The following SLC7A6 variants were observed in gnomAD, a reference collection of about 807,000 sequenced individuals.
The protein encoded by SLC7A6 is Y+L amino acid transporter 2.
A neutral mutation model predicts 46.6 loss-of-function variants in SLC7A6; 29 were observed. The ratio of observed to expected loss-of-function variants is 0.62; its 90% CI spans 0.46 to 0.85. The LOEUF (loss-of-function observed/expected upper bound fraction) is 0.85. Among genes scored for constraint, SLC7A6 ranks in the 40% least tolerant of loss-of-function variants. SLC7A6 has a pLI of 0.00. For synonymous variants in SLC7A6, 276 were observed against 257.3 expected, an observed-to-expected ratio of 1.07 and a Z score of -0.70; for missense variants, 527 against 647.6, an observed-to-expected ratio of 0.81 and a Z score of 2.02.
intron 7 of SLC7A6, among the ~76,000 whole-genome samples, chr16:68,293,652 C>G (rs2043103356): frequency 6.6e-6 from 1 of 152,216 alleles, no homozygotes; most frequent in African/African-American, 2.4e-5. Context: ...TCTTCTCACA[C>G]AGCTTGTCCT....
chr16:68,296,840 G>A (rs1393628227), intron 10 of SLC7A6, 30 bp downstream of exon 10: 1 of 1,611,486 alleles, frequency 6.2e-7, no homozygotes, highest in South Asian at 1.1e-5. Flanking sequence ...ATTACTCACT[G>A]GCGGCTATGT....
At chr16:68,273,466 T>C (rs2042655868) in intron 2 of SLC7A6, among the ~76,000 whole-genome samples, 1 of 151,434 alleles carries the variant, frequency 6.6e-6, no homozygotes, top group African/African-American at 2.4e-5. Flanking sequence ...GGCACAGGAG[T>C]TGAGGGAGGG....
At chr16:68,285,938 T>A (rs1176107542) in intron 3 of SLC7A6, among the ~76,000 whole-genome samples, 1 of 151,140 alleles carries the variant, frequency 6.6e-6, no homozygotes, top group Admixed American at 6.6e-5. Context: ...ACAAAATAAT[T>A]TTTTTTTAAT....
intron 10 of SLC7A6, 82 bp from the exon 11 acceptor site, chr16:68,297,152 A>G: frequency 7.6e-7 from 1 of 1,311,312 alleles, no homozygotes; most frequent in Admixed American, 2.0e-5. Flanking sequence ...AGGGAGCCAT[A>G]GATGTTACTA....
At chr16:68,282,623 A>AT (rs111778880) in intron 3 of SLC7A6, among the ~76,000 whole-genome samples, 2,578 of 137,194 alleles carry the variant, frequency 0.019, 74 homozygotes, top group African/African-American at 0.06. Context: ...TTCCTTCCAC[A>AT]TTTTTTTTTT....
At chr16:68,297,185 C>A in intron 10 of SLC7A6, 49 bp from the exon 11 acceptor site, 1 of 1,565,380 alleles carries the variant, frequency 6.4e-7, no homozygotes, top group Admixed American at 1.7e-5. Flanking sequence ...CAGGTTAGGG[C>A]TGTAGCTAGA....
rs748310521 is a variant in SLC7A6, at chr16:68,297,325, C to T, written c.1545C>T (p.Asp515=). The part of the protein sequence containing the change: ...AEEKKDERKT[D] ...AAAAAAAGGATGAGAGGAAAACTGA[C>T]TAGAGGTCAGAGGTGGCTTTCTGAG... The change falls in exon 11 of 11, where the codon GAC becomes GAT. Residue 515 remains aspartate, a synonymous_variant. Transcript: ENST00000219343. The T allele has an allele frequency of 2.5e-6, 4 of 1,614,050 alleles. No homozygotes were observed. The South Asian group carries it at 3.3e-5, about 13-fold the overall frequency.
chr16:68,295,468 T>G (rs1298846665), intron 8 of SLC7A6, among the ~76,000 whole-genome samples: 1 of 152,224 alleles, frequency 6.6e-6, no homozygotes, highest in Admixed American at 6.5e-5. Context: ...CTAATTTATT[T>G]TTTGTAGAGA....
chr16:68,288,523 C>T, intron 4 of SLC7A6, among the ~76,000 whole-genome samples: 1 of 152,134 alleles, frequency 6.6e-6, no homozygotes, highest in East Asian at 1.9e-4. Flanking sequence ...TCTTTAGCCA[C>T]AGATATCTCA....
In SLC7A6 at chr16:68,296,821, CTG is replaced by C; in HGVS notation, c.1453+14_1453+15del. 6.2e-7 allele frequency: 1 copy of C among 1,613,740 alleles called. No individual in the cohort carries two copies. The highest frequency in any genetic ancestry group is 8.5e-7 in the Non-Finnish European group (1 of 1,179,826). On this transcript the variant is annotated intron_variant, in intron 10 of 10. Transcript: ENST00000219343. ...TTCGGAATGTCCTGGGTGAGCTTCT[CTG>C]TGCCCCATTACTCACTGGCGGCTAT...
intron 3 of SLC7A6, among the ~76,000 whole-genome samples, chr16:68,276,704 A>G (rs915083048): frequency 2.0e-5 from 3 of 151,970 alleles, no homozygotes; most frequent in Non-Finnish European, 4.4e-5. Flanking sequence ...TGATTATAAA[A>G]TATGTTTATT....
chr16:68,281,717 T>C (rs1451635465), intron 3 of SLC7A6, among the ~76,000 whole-genome samples: 1 of 152,252 alleles, frequency 6.6e-6, no homozygotes, highest in African/African-American at 2.4e-5. Flanking sequence ...CCCAGTATTA[T>C]AAGAGTACTT....
chr16:68,267,374 C>T (rs540314334), intron 2 of SLC7A6, among the ~76,000 whole-genome samples: 16 of 151,792 alleles, frequency 1.1e-4, no homozygotes, highest in African/African-American at 1.9e-4. Context: ...CCACCATGCC[C>T]GGACAATTTT....
chr16:68,292,412 G>A (rs898788384), intron 7 of SLC7A6: 2 of 152,180 alleles, frequency 1.3e-5, no homozygotes, highest in Non-Finnish European at 2.9e-5. Flanking sequence ...CTCTTTGGTG[G>A]GTGCTCACTT....
At chr16:68,272,784 C>G (rs764658179) in intron 2 of SLC7A6, among the ~76,000 whole-genome samples, 1 of 152,164 alleles carries the variant, frequency 6.6e-6, no homozygotes, top group Non-Finnish European at 1.5e-5. Flanking sequence ...GTATTGGTCA[C>G]TGGGGTCAGA....
chr16:68,287,184 C>T (rs1191369605), intron 3 of SLC7A6: 9 of 518,108 alleles, frequency 1.7e-5, no homozygotes, highest in Middle Eastern at 3.4e-4. Flanking sequence ...CTCCATGTTG[C>T]CCAGGCTGGT....
Position 68,297,463 on chromosome 16 carries a change from GCTCA to G in SLC7A6, c.*139_*142del. 1.6e-6 allele frequency: 1 copy of G among 644,090 alleles called. No individual in the cohort carries two copies. The highest frequency in any genetic ancestry group is 2.6e-6 in the Non-Finnish European group (1 of 386,926). 39.9% of individuals were successfully genotyped at this position (644,090 alleles called of 1,614,324 possible). ...TCATATAGTGGGGCTCAGGGCCAGT[GCTCA>G]CTCTTATTGGTAAGCTATAGGAGAC... On this transcript the variant is annotated 3_prime_UTR_variant, in exon 11 of 11. Coordinates refer to ENST00000219343, the MANE Select transcript of SLC7A6 (RefSeq NM_003983.6).
chr16:68,300,562 C>G lies in SLC7A6; in HGVS notation c.*3234C>G. ...CAATGCTGAACCTTCTATTTCACTA[C>G]CGCTCCCTGTTTTAGATATTCAGAT... On this transcript the variant is annotated 3_prime_UTR_variant, in exon 11 of 11. Coordinates refer to ENST00000219343, the MANE Select transcript of SLC7A6 (RefSeq NM_003983.6). 1.1e-6 allele frequency: 1 copy of G among 946,658 alleles called. No homozygotes were observed. Among genetic ancestry groups the G allele is most frequent in the Non-Finnish European group, 1.3e-6 (1 of 794,700 alleles). 58.6% of individuals were successfully genotyped at this position (946,658 alleles called of 1,614,324 possible).
chr16:68,300,564 G>T lies in SLC7A6; in HGVS notation c.*3236G>T. On this transcript the variant is annotated 3_prime_UTR_variant, in exon 11 of 11. Transcript: ENST00000219343. The stretch of plus-strand genomic sequence containing the variant: ...ATGCTGAACCTTCTATTTCACTACC[G>T]CTCCCTGTTTTAGATATTCAGATTT... The T allele has an allele frequency of 1.1e-6, 1 of 944,946 alleles. No homozygotes were observed. Among genetic ancestry groups the T allele is most frequent in the Non-Finnish European group, 1.3e-6 (1 of 793,228 alleles). 58.5% of individuals were successfully genotyped at this position (944,946 alleles called of 1,614,324 possible).
Sources: allele counts gnomAD v4.1 joint callset (sites outside exome capture counted in the v4.1 genomes callset), GRCh38; gene constraint gnomAD v4.1.1; transcripts MANE v1.5; gene names NCBI Gene and HGNC (gene_info 2026-07-23, HGNC 2026-07-21).